The following ME3 variants were observed in gnomAD, a reference collection of about 807,000 sequenced individuals.
The protein encoded by ME3 is NADP-dependent malic enzyme, mitochondrial.
Under a neutral mutation model 68.9 loss-of-function variants are expected in ME3, and 48 were observed. That is an observed-to-expected ratio of 0.70 (90% confidence interval 0.55 to 0.89). The LOEUF (loss-of-function observed/expected upper bound fraction) is 0.89, where lower values mean the gene tolerates loss of function less well. Ranked by LOEUF, ME3 falls within the 40% of genes least tolerant of loss-of-function variation. The probability of loss-of-function intolerance (pLI) is 0.00; values close to 1 mark genes in which losing one functional copy is unlikely to be tolerated. For synonymous variants in ME3, 320 were observed against 318.8 expected (o/e 1.00, Z -0.04); for missense variants, 675 against 797.4 (o/e 0.85, Z 1.85).
exon 1 of ME3, chr11:86,672,344 A>T: frequency 5.6e-6 from 1 of 177,442 alleles, no homozygotes; most frequent in Non-Finnish European, 1.2e-5. Context: ...CGGGGAGCTG[A>T]GGTCTACGCG....
At chr11:86,628,433 G>A (rs984362051) in intron 2 of ME3, among the ~76,000 whole-genome samples, 3 of 152,192 alleles carry the variant, frequency 2.0e-5, no homozygotes, top group South Asian at 2.1e-4. Flanking sequence ...CTGCATATTC[G>A]TGTTACTTGG....
chr11:86,525,105 G>A lies in ME3; in HGVS notation c.468-16238C>T, dbSNP rs146590224. ...TTATTGGGAAGCTTCAGAGCAGACA[G>A]TCAGACAGACTTAGACCCAAATTCT... is the stretch of plus-strand genomic sequence containing the variant. On this transcript the variant is annotated intron_variant, in intron 4 of 14. Coordinates refer to ENST00000543262, the Ensembl canonical transcript of ME3. Among the ~76,000 whole-genome samples, 11 of 152,340 alleles carry A rather than the reference G, an allele frequency of 7.2e-5. No homozygotes were observed. In the East Asian group the frequency reaches 2.1e-3, roughly 29 times the overall value.
At chr11:86,568,993 A>C (rs536826270) in intron 2 of ME3, among the ~76,000 whole-genome samples, 145 of 152,340 alleles carry the variant, frequency 9.5e-4, no homozygotes, top group Admixed American at 2.0e-3. Context: ...CCCACTTATT[A>C]AATGAAGTGC....
chr11:86,659,380 A>T (rs1305012386), intron 2 of ME3, among the ~76,000 whole-genome samples: 2 of 152,254 alleles, frequency 1.3e-5, no homozygotes, highest in Non-Finnish European at 2.9e-5. Context: ...TAGAAGAGAC[A>T]GACATCACTC....
At position 86,618,299 on chromosome 11, in the gene ME3, C is replaced by CAAAAA. The variant is rs55824426; in HGVS notation, c.183+53458_183+53462dup. ...TGGGCGACAGAGCAAGGCTCTGTCT[C>CAAAAA]AAAAAAAAAAAAAAAAAAAAAAAAA... On this transcript the variant is annotated intron_variant, in intron 2 of 14. Coordinates refer to ENST00000543262, the Ensembl canonical transcript of ME3. Among the ~76,000 whole-genome samples the CAAAAA allele has an allele frequency of 8.5e-3, 475 of 55,934 alleles. 92 individuals carry two copies. The highest frequency in any genetic ancestry group is 9.4e-3 in the Non-Finnish European group (300 of 31,760). The allele number at this position is 55,934 out of a possible 152,430, so 36.7% of individuals were successfully genotyped here.
intron 5 of ME3, among the ~76,000 whole-genome samples, chr11:86,508,136 C>T (rs972842517): frequency 6.6e-6 from 1 of 152,122 alleles, no homozygotes; most frequent in South Asian, 2.1e-4. Flanking sequence ...TCCCCACCCC[C>T]ACACTGCTGT....
intron 2 of ME3, among the ~76,000 whole-genome samples, chr11:86,591,929 G>A (rs545148153): frequency 1.2e-4 from 19 of 152,116 alleles, no homozygotes; most frequent in African/African-American, 1.7e-4. Flanking sequence ...AACCATATCA[G>A]ACATCTAGAG....
chr11:86,451,444 C>T (rs1288127960), intron 8 of ME3, among the ~76,000 whole-genome samples: 1 of 152,222 alleles, frequency 6.6e-6, no homozygotes. Context: ...TTTCTTTAGT[C>T]ACCCAGGGTT....
intron 4 of ME3, among the ~76,000 whole-genome samples, chr11:86,528,939 T>C (rs1954987009): frequency 6.6e-6 from 1 of 151,782 alleles, no homozygotes; most frequent in South Asian, 2.1e-4. Flanking sequence ...ACATCACAAT[T>C]AAAAGAACTA....
At chr11:86,604,801 T>A in intron 2 of ME3, among the ~76,000 whole-genome samples, 1 of 152,220 alleles carries the variant, frequency 6.6e-6, no homozygotes, top group East Asian at 1.9e-4. Context: ...AATAGACAGT[T>A]AAGAAAATTA....
intron 2 of ME3, among the ~76,000 whole-genome samples, chr11:86,616,971 G>A (rs1183682217): frequency 6.8e-6 from 1 of 147,408 alleles, no homozygotes; most frequent in Non-Finnish European, 1.5e-5. Flanking sequence ...TGGGAAAACT[G>A]GGTAAGGGGT....
rs542191860 is a variant in ME3, at chr11:86,473,231, G to A, written c.810-8031C>T. ...TGCTACCAGAGCCACGCAATGGGCC[G>A]TGGTCGGGAGCATCAAATACTGCCA... On this transcript the variant is annotated intron_variant, in intron 7 of 14. Coordinates refer to ENST00000543262, the Ensembl canonical transcript of ME3. Among the ~76,000 whole-genome samples the A allele has an allele frequency of 5.9e-5, 9 of 152,342 alleles. No homozygotes were observed. In the East Asian group the frequency reaches 9.6e-4, roughly 16 times the overall value.
At chr11:86,613,627 G>T (rs1594669556) in intron 2 of ME3, among the ~76,000 whole-genome samples, 1 of 152,100 alleles carries the variant, frequency 6.6e-6, no homozygotes, top group African/African-American at 2.4e-5. Flanking sequence ...AAAGTCTCAG[G>T]ATACAAAATC....
At chr11:86,524,984 A>T (rs1292341015) in intron 4 of ME3, among the ~76,000 whole-genome samples, 1 of 152,228 alleles carries the variant, frequency 6.6e-6, no homozygotes, top group Non-Finnish European at 1.5e-5. Context: ...AAAGGCCAAA[A>T]AAGTATTTGC....
intron 2 of ME3, among the ~76,000 whole-genome samples, chr11:86,589,283 G>T (rs1410321929): frequency 6.6e-6 from 1 of 151,686 alleles, no homozygotes. Flanking sequence ...CAGGTACTAT[G>T]TTTCATTTAT....
chr11:86,643,592 A>G (rs1944809336), intron 2 of ME3, among the ~76,000 whole-genome samples: 1 of 152,180 alleles, frequency 6.6e-6, no homozygotes, highest in Non-Finnish European at 1.5e-5. Flanking sequence ...AAGGCCAGCT[A>G]CTTTAAGAAA....
At chr11:86,458,570 G>A (rs1166015248) in intron 8 of ME3, among the ~76,000 whole-genome samples, 1 of 152,126 alleles carries the variant, frequency 6.6e-6, no homozygotes, top group Non-Finnish European at 1.5e-5. Flanking sequence ...ATGAACTTCA[G>A]GACTAGGAAC....
intron 7 of ME3, among the ~76,000 whole-genome samples, chr11:86,483,130 C>G (rs1951506089): frequency 6.6e-6 from 1 of 152,194 alleles, no homozygotes; most frequent in South Asian, 2.1e-4. Context: ...CCCTGTAAAT[C>G]TGATCAGGGC....
chr11:86,626,838 A>G (rs1943695275), intron 2 of ME3, among the ~76,000 whole-genome samples: 1 of 152,230 alleles, frequency 6.6e-6, no homozygotes, highest in South Asian at 2.1e-4. Flanking sequence ...TCTGTCACCT[A>G]GCCAACAACT....
Sources: gnomAD v4.1 joint callset for allele counts (sites outside exome capture counted in the v4.1 genomes callset) on GRCh38, gnomAD v4.1.1 for gene constraint, MANE v1.5 for transcripts, NCBI Gene and HGNC (gene_info 2026-07-23, HGNC 2026-07-21) for gene names.